CACNA2D1: variants seen among roughly 807,000 people sequenced by gnomAD.
CACNA2D1 encodes voltage-dependent calcium channel subunit alpha-2/delta-1.
CACNA2D1 carries 53 observed loss-of-function variants against 171.5 expected under a neutral mutation model. The ratio of observed to expected loss-of-function variants is 0.31; its 90% CI spans 0.25 to 0.39. The LOEUF (loss-of-function observed/expected upper bound fraction) is 0.39. Ranked by LOEUF, CACNA2D1 falls within the 10% of genes least tolerant of loss-of-function variation. CACNA2D1 has a pLI of 1.00. For synonymous variants in CACNA2D1, 442 were observed against 443.1 expected (o/e 1.00, Z 0.03); for missense variants, 903 against 1,299.8 (o/e 0.69, Z 4.69).
chr7:82,120,132 T>G (rs1789540999), intron 5 of CACNA2D1, among the ~76,000 whole-genome samples: 1 of 152,258 alleles, frequency 6.6e-6, no homozygotes, highest in East Asian at 1.9e-4. Flanking sequence ...CAATGAGCTA[T>G]AATTATGCTA....
At chr7:82,325,436 A>G (rs1377761128) in intron 3 of CACNA2D1, among the ~76,000 whole-genome samples, 1 of 152,110 alleles carries the variant, frequency 6.6e-6, no homozygotes, top group Admixed American at 6.5e-5. Flanking sequence ...AAATAATGGT[A>G]CTATGAGAGC....
At chr7:82,409,726 G>A (rs17156252) in intron 1 of CACNA2D1, among the ~76,000 whole-genome samples, 3,169 of 152,234 alleles carry the variant, frequency 0.021, 115 homozygotes, top group East Asian at 0.12. Flanking sequence ...CATTGCCTAA[G>A]GTCTCTTTCG....
chr7:81,965,463 C>A (rs1794619803), intron 32 of CACNA2D1, 131 bp downstream of exon 32: 1 of 703,362 alleles, frequency 1.4e-6, no homozygotes, highest in Non-Finnish European at 2.6e-6. Context: ...TAACATTAAG[C>A]ATTTTACAAA....
intron 3 of CACNA2D1, among the ~76,000 whole-genome samples, chr7:82,190,907 G>T (rs1003568313): frequency 1.9e-4 from 29 of 151,600 alleles, no homozygotes; most frequent in African/African-American, 6.5e-4. Flanking sequence ...TTAAAAGGGA[G>T]AGAATGCCAT....
intron 1 of CACNA2D1, among the ~76,000 whole-genome samples, chr7:82,351,891 T>C (rs1184870014): frequency 1.3e-5 from 2 of 152,156 alleles, no homozygotes; most frequent in Non-Finnish European, 2.9e-5. Flanking sequence ...AAATGAGTCA[T>C]CTCTTCTCAA....
rs146454977 is a variant in CACNA2D1, at chr7:82,131,024, G to T, written c.396+5611C>A. ...TCACTGTGTTAGCCAGGATGGTCTC[G>T]ATCTCTTGACCTCGTGATCTGCCTG... On this transcript the variant is annotated intron_variant, in intron 5 of 38. Transcript: ENST00000356860. Among the ~76,000 whole-genome samples the T allele has an allele frequency of 4.6e-3, 697 of 151,944 alleles. 4 individuals carry two copies. The highest frequency in any genetic ancestry group is 0.013 in the African/African-American group (534 of 41,472).
intron 6 of CACNA2D1, among the ~76,000 whole-genome samples, chr7:82,110,626 G>A (rs139319498): frequency 6.6e-6 from 1 of 152,216 alleles, no homozygotes; most frequent in Non-Finnish European, 1.5e-5. Context: ...TGCTAACTCT[G>A]CTCTGGCCAC....
At chr7:82,005,860 A>G in intron 16 of CACNA2D1, 21 bp from the exon 17 acceptor site, 3 of 1,380,162 alleles carry the variant, frequency 2.2e-6, no homozygotes, top group Non-Finnish European at 3.1e-6. Flanking sequence ...AGGGCAAAAA[A>G]TGGCATTTTA....
At chr7:82,044,123 G>A (rs958777117) in intron 10 of CACNA2D1, among the ~76,000 whole-genome samples, 1 of 152,026 alleles carries the variant, frequency 6.6e-6, no homozygotes, top group African/African-American at 2.4e-5. Context: ...GGCCTCAAGT[G>A]ATCCTCCCAC....
intron 6 of CACNA2D1, among the ~76,000 whole-genome samples, chr7:82,094,360 G>C (rs1466561979): frequency 6.6e-6 from 1 of 152,120 alleles, no homozygotes; most frequent in Non-Finnish European, 1.5e-5. Context: ...TAATATCCTT[G>C]TATCTCTAGT....
intron 4 of CACNA2D1, among the ~76,000 whole-genome samples, chr7:82,153,245 G>A (rs913779328): frequency 6.6e-6 from 1 of 151,822 alleles, no homozygotes; most frequent in African/African-American, 2.4e-5. Context: ...ATTCTGTTGA[G>A]ATGACCAGGA....
At chr7:82,360,813 A>T (rs1208941637) in intron 1 of CACNA2D1, among the ~76,000 whole-genome samples, 1 of 152,216 alleles carries the variant, frequency 6.6e-6, no homozygotes, top group Non-Finnish European at 1.5e-5. Context: ...TATAGCCCAT[A>T]GTGTAATTTG....
intron 8 of CACNA2D1, among the ~76,000 whole-genome samples, chr7:82,066,232 A>C (rs1314163506): frequency 6.6e-6 from 1 of 152,158 alleles, no homozygotes; most frequent in Non-Finnish European, 1.5e-5. Context: ...AAAGTAGTCC[A>C]TTTGAAATGA....
At chr7:82,366,992 G>A (rs1000425610) in intron 1 of CACNA2D1, among the ~76,000 whole-genome samples, 16 of 141,992 alleles carry the variant, frequency 1.1e-4, no homozygotes, top group Admixed American at 5.4e-4. Context: ...CTGCAGCCTC[G>A]ACCTTCTGGG....
intron 31 of CACNA2D1, 112 bp from the exon 32 acceptor site, chr7:81,965,777 C>T (rs1794655670): frequency 1.4e-5 from 10 of 727,716 alleles, no homozygotes; most frequent in South Asian, 2.9e-5. Flanking sequence ...ATTTTAAATG[C>T]CTATCTTCTC....
At chr7:82,370,237 G>C (rs1822232755) in intron 1 of CACNA2D1, among the ~76,000 whole-genome samples, 1 of 151,792 alleles carries the variant, frequency 6.6e-6, no homozygotes, top group Non-Finnish European at 1.5e-5. Context: ...GGAAAGAAAA[G>C]AACAAAAACT....
chr7:82,157,915 T>G (rs1794531394), intron 4 of CACNA2D1, among the ~76,000 whole-genome samples: 1 of 151,942 alleles, frequency 6.6e-6, no homozygotes, highest in African/African-American at 2.4e-5. Context: ...ACTCCAACAT[T>G]TATAGAAACA....
chr7:82,197,233 T>A (rs1017862344), intron 3 of CACNA2D1, among the ~76,000 whole-genome samples: 1 of 151,932 alleles, frequency 6.6e-6, no homozygotes, highest in Non-Finnish European at 1.5e-5. Context: ...ATAAGAGTAT[T>A]CAGAAACAAA....
chr7:82,304,081 T>C (rs564585434), intron 3 of CACNA2D1, among the ~76,000 whole-genome samples: 7 of 146,448 alleles, frequency 4.8e-5, no homozygotes, highest in Admixed American at 6.9e-5. Flanking sequence ...CCAACAGGTA[T>C]ATTAAAAAAA....
Sources: gnomAD v4.1 joint callset for allele counts (sites outside exome capture counted in the v4.1 genomes callset) on GRCh38, gnomAD v4.1.1 for gene constraint, MANE v1.5 for transcripts, NCBI Gene and HGNC (gene_info 2026-07-23, HGNC 2026-07-21) for gene names.